The following PTK2 variants were observed in gnomAD, a reference collection of about 807,000 sequenced individuals.
PTK2 encodes protein tyrosine kinase 2.
PTK2 carries 45 observed loss-of-function variants against 150.1 expected under a neutral mutation model. The ratio of observed to expected loss-of-function variants is 0.30; its 90% confidence interval spans 0.24 to 0.38. PTK2 has a LOEUF of 0.38. Ranked by LOEUF, PTK2 falls within the 10% of genes least tolerant of loss-of-function variation. The probability of loss-of-function intolerance (pLI) is 1.00; values close to 1 mark genes in which losing one functional copy is unlikely to be tolerated. For missense variants in PTK2, 919 were observed against 1,307.3 expected (o/e 0.70, Z 4.58); for synonymous variants, 432 against 449.2 (o/e 0.96, Z 0.48).
intron 23 of PTK2, among the ~76,000 whole-genome samples, chr8:140,713,099 T>A (rs2100037705): frequency 6.6e-6 from 1 of 152,222 alleles, no homozygotes; most frequent in Non-Finnish European, 1.5e-5. Context: ...TCACATCAGA[T>A]ATTTTTCACT....
At chr8:140,879,909 T>C (rs62521898) in intron 3 of PTK2, among the ~76,000 whole-genome samples, 39,275 of 152,030 alleles carry the variant, frequency 0.26, 5,718 homozygotes, top group Admixed American at 0.37. Context: ...CTCCTTTCTT[T>C]ATTAACAAGG....
intron 10 of PTK2, 42 bp from the exon 11 acceptor site, chr8:140,803,692 A>C (rs1166410335): frequency 1.3e-6 from 2 of 1,519,774 alleles, no homozygotes; most frequent in African/African-American, 2.7e-5. Context: ...ACGGATAAAA[A>C]ACTCATTTCA....
At chr8:140,971,186 A>C (rs1331902602) in intron 1 of PTK2, among the ~76,000 whole-genome samples, 3 of 152,234 alleles carry the variant, frequency 2.0e-5, no homozygotes, top group African/African-American at 7.2e-5. Flanking sequence ...GGAATCTACT[A>C]AGATGCATGA....
chr8:140,728,029 C>T (rs1417112211), intron 22 of PTK2, among the ~76,000 whole-genome samples: 1 of 152,006 alleles, frequency 6.6e-6, no homozygotes, highest in African/African-American at 2.4e-5. Context: ...AACCCTGTCT[C>T]TACTAAAAAT....
chr8:140,794,468 C>T (rs1347417529), intron 12 of PTK2, among the ~76,000 whole-genome samples: 2 of 152,130 alleles, frequency 1.3e-5, no homozygotes, highest in Admixed American at 6.5e-5. Context: ...CTTACTTTTG[C>T]CCTTGAATTC....
intron 4 of PTK2, among the ~76,000 whole-genome samples, chr8:140,869,245 G>A (rs562164761): frequency 6.6e-6 from 1 of 151,618 alleles, no homozygotes; most frequent in African/African-American, 2.4e-5. Context: ...CAATGAACAC[G>A]CATCTGCAAG....
intron 2 of PTK2, among the ~76,000 whole-genome samples, chr8:140,893,163 A>G (rs2100154796): frequency 2.0e-5 from 3 of 152,132 alleles, no homozygotes; most frequent in Non-Finnish European, 2.9e-5. Flanking sequence ...CCCCATCTCT[A>G]TAAAAATTAA....
At chr8:140,972,602 A>C (rs957092510) in intron 1 of PTK2, among the ~76,000 whole-genome samples, 3 of 152,182 alleles carry the variant, frequency 2.0e-5, no homozygotes, top group African/African-American at 7.2e-5. Flanking sequence ...CAGTCGATGA[A>C]AATTTGTGGA....
chr8:140,674,492 C>T, intron 28 of PTK2, 88 bp from the exon 32 acceptor site: 2 of 1,234,374 alleles, frequency 1.6e-6, no homozygotes, highest in Non-Finnish European at 1.2e-6. Context: ...ATAATCTCAG[C>T]ACTTTGGGAG....
At chr8:140,996,517 A>T (rs2100197836) in intron 1 of PTK2, among the ~76,000 whole-genome samples, 1 of 152,210 alleles carries the variant, frequency 6.6e-6, no homozygotes, top group Non-Finnish European at 1.5e-5. Context: ...TTAAAGCTTC[A>T]AAGGATGGGC....
At chr8:140,911,043 TA>T (rs1326832615) in intron 2 of PTK2, among the ~76,000 whole-genome samples, 1 of 123,044 alleles carries the variant, frequency 8.1e-6, no homozygotes, top group Admixed American at 7.9e-5. Flanking sequence ...TATGCCCAGC[TA>T]AATTTTTTTT....
rs1437192543 is a variant in PTK2, at chr8:140,958,683, T to G, written c.-121-32934A>C. 2.0e-5 allele frequency among the ~76,000 whole-genome samples: 3 copies of G among 152,334 alleles called. No homozygotes were observed. The East Asian group carries it at 5.8e-4, about 29-fold the overall frequency. ...TGAATTGCTAAAACTATAGTATCCT[T>G]GCCCCCCAAAATAAAATATACTAAT... On this transcript the variant is annotated intron_variant, in intron 1 of 31. Coordinates refer to ENST00000522684, the Ensembl canonical transcript of PTK2.
chr8:140,960,187 CTTTTTTTTTTTT>C (rs371999950), intron 1 of PTK2, among the ~76,000 whole-genome samples: 3 of 72,404 alleles, frequency 4.1e-5, no homozygotes, highest in African/African-American at 6.2e-5. Flanking sequence ...CAATTTTAAA[CTTTTTTTTTTTT>C]TTTTTTTTTT....
At chr8:140,768,236 G>A (rs948622912) in intron 14 of PTK2, among the ~76,000 whole-genome samples, 1 of 151,934 alleles carries the variant, frequency 6.6e-6, no homozygotes, top group African/African-American at 2.4e-5. Context: ...ACAAAAACAG[G>A]TGGGCCATAT....
In PTK2 at chr8:140,746,876, T is replaced by G; in HGVS notation, c.1418-16A>C. The G allele has an allele frequency of 1.4e-6, 2 of 1,441,546 alleles. No individual in the cohort carries two copies. The highest frequency in any genetic ancestry group is 1.9e-6 in the Non-Finnish European group (2 of 1,042,032). The allele number at this position is 1,441,546 out of a possible 1,614,324, so 89.3% of individuals were successfully genotyped here. On this transcript the variant is annotated splice_polypyrimidine_tract_variant and intron_variant, in intron 17 of 31. Transcript: ENST00000522684. The stretch of plus-strand genomic sequence containing the variant: ...CGCATTGTTACTAGGAAAAAAGTTC[T>G]CCATAGTTATTCTTTCTTTTTTTTT...
chr8:140,836,058 C>T (rs1413558996), intron 7 of PTK2, among the ~76,000 whole-genome samples: 1 of 151,840 alleles, frequency 6.6e-6, no homozygotes, highest in Non-Finnish European at 1.5e-5. Context: ...ACTGGAATAA[C>T]TGGGTAAATA....
At chr8:140,991,156 C>CA (rs2100195572) in intron 1 of PTK2, among the ~76,000 whole-genome samples, 2 of 152,092 alleles carry the variant, frequency 1.3e-5, no homozygotes, top group Admixed American at 1.3e-4. Context: ...GAGCAAAAGG[C>CA]AAAAGAATGT....
intron 1 of PTK2, among the ~76,000 whole-genome samples, chr8:140,927,765 G>A (rs1248979684): frequency 3.3e-5 from 5 of 150,986 alleles, no homozygotes; most frequent in Admixed American, 1.3e-4. Flanking sequence ...AGACCACCCC[G>A]ACCAACATGG....
At chr8:140,748,871 G>A (rs898876301) in intron 17 of PTK2, among the ~76,000 whole-genome samples, 9 of 152,136 alleles carry the variant, frequency 5.9e-5, no homozygotes, top group Non-Finnish European at 1.3e-4. Flanking sequence ...AAGGTGACCT[G>A]GTCCAGTGGG....
Sources: gnomAD v4.1 joint callset for allele counts (sites outside exome capture counted in the v4.1 genomes callset) on GRCh38, gnomAD v4.1.1 for gene constraint, MANE v1.5 for transcripts, NCBI Gene and HGNC (gene_info 2026-07-23, HGNC 2026-07-21) for gene names.